The following C4orf33 variants were observed in gnomAD, a reference collection of about 807,000 sequenced individuals.
The protein encoded by C4orf33 is chromosome 4 open reading frame 33.
In C4orf33, 20 loss-of-function variants were observed where a neutral mutation model predicts 24.3. That is an observed-to-expected ratio of 0.82 (90% CI 0.58 to 1.19). The LOEUF is 1.19. C4orf33 is among the 50% of genes most tolerant of loss of function. The pLI, the probability that C4orf33 is intolerant of heterozygous loss-of-function variation, is 0.00. For missense variants in C4orf33, 207 were observed against 225.9 expected (o/e 0.92, Z 0.54); for synonymous variants, 67 against 76.4 (o/e 0.88, Z 0.64).
chr4:129,103,015 G>GTT, intron 2 of C4orf33: 3 of 240,606 alleles, frequency 1.2e-5, no homozygotes, highest in South Asian at 8.4e-5. Context: ...TACAAATCCA[G>GTT]ATTTTTTTTT....
In C4orf33 at chr4:129,115,484, T is replaced by C. The variant is rs1278438221; in HGVS notation, c.*3693T>C. 6.6e-6 allele frequency: 1 copy of C among 152,116 alleles called. No individual in the cohort carries two copies. The highest frequency in any genetic ancestry group is 1.5e-5 in the Non-Finnish European group (1 of 68,026). 9.4% of individuals were successfully genotyped at this position (152,116 alleles called of 1,614,324 possible). A position where few individuals can be genotyped will look rare whatever the true frequency, so the allele number is the denominator to read the frequency against. Reference sequence around the variant, plus strand: ...GAGGGAATTGACAATAGGGACAGGATTCAGTGGATAAATACTCCCCTTTTC... The same window carrying C: ...GAGGGAATTGACAATAGGGACAGGACTCAGTGGATAAATACTCCCCTTTTC... On this transcript the variant is annotated 3_prime_UTR_variant, in exon 6 of 6. Coordinates refer to ENST00000425929, the MANE Select transcript of C4orf33 (RefSeq NM_001099783.2).
At position 129,107,634 on chromosome 4, in the gene C4orf33, T is replaced by A. The variant is rs1753557586; in HGVS notation, c.242+987T>A. Among the ~76,000 whole-genome samples, 3 of 152,058 alleles carry A rather than the reference T, an allele frequency of 2.0e-5. 1 individual carries two copies. The highest frequency in any genetic ancestry group is 2.0e-4 in the Admixed American group (3 of 15,266). On this transcript the variant is annotated intron_variant, in intron 3 of 5. Transcript: ENST00000425929. ...AAGAGTAATCATATACCTTTGTGTG[T>A]TACATTTCAACTAACATGCCAAAAT...
chr4:129,108,681 G>T (rs956513800), intron 3 of C4orf33, among the ~76,000 whole-genome samples: 1 of 152,048 alleles, frequency 6.6e-6, no homozygotes, highest in Non-Finnish European at 1.5e-5. Flanking sequence ...CAAATAACAT[G>T]GTATCTCTCT....
In C4orf33 at chr4:129,109,574, C is replaced by A. The variant is rs1033606952; in HGVS notation, c.396C>A (p.Phe132Leu). Residue 132 changes from phenylalanine (F) to leucine (L), a missense_variant, in exon 5 of 6, where the codon TTC becomes TTA. Physicochemically the swap from Phe to Leu is conservative, Grantham distance 22 (BLOSUM62 0). Transcript: ENST00000425929. ...ATTTTCCACCAAATGTGACAAAATTCAATTCATTTGCAATTCATGGATCAA... is the reference window on the plus strand; with the variant it reads ...ATTTTCCACCAAATGTGACAAAATTAAATTCATTTGCAATTCATGGATCAA... Reference protein sequence around the residue: ...WSYFPPNVTKFNSFAIHGSKD... With the variant: ...WSYFPPNVTKLNSFAIHGSKD... 1 of 1,613,814 alleles carries A rather than the reference C, an allele frequency of 6.2e-7. No individual in the cohort carries two copies. Among genetic ancestry groups the A allele is most frequent in the African/African-American group, 1.3e-5 (1 of 74,936 alleles).
chr4:129,104,401 A>G (rs780040617), intron 2 of C4orf33, among the ~76,000 whole-genome samples: 3 of 152,194 alleles, frequency 2.0e-5, no homozygotes, highest in Non-Finnish European at 2.9e-5. Context: ...ATGAAAATTT[A>G]AACTCATCCT....
rs77832449 is a variant in C4orf33, at chr4:129,110,367, G to A, written c.494+695G>A. ...GTTATCTGCTATGCTTTCTCAATTTGAGTCTTGTTTCCTTGCACCTGTAGC... is the reference window on the plus strand; with the variant it reads ...GTTATCTGCTATGCTTTCTCAATTTAAGTCTTGTTTCCTTGCACCTGTAGC... On this transcript the variant is annotated intron_variant, in intron 5 of 5. Coordinates refer to ENST00000425929, the MANE Select transcript of C4orf33 (RefSeq NM_001099783.2). Among the ~76,000 whole-genome samples, 4 of 152,294 alleles carry A rather than the reference G, an allele frequency of 2.6e-5. No individual in the cohort carries two copies. The East Asian group carries it at 5.8e-4, about 22-fold the overall frequency.
At chr4:129,098,529 A>G (rs1304682508) in intron 1 of C4orf33, among the ~76,000 whole-genome samples, 1 of 152,214 alleles carries the variant, frequency 6.6e-6, no homozygotes, top group Non-Finnish European at 1.5e-5. Flanking sequence ...TTTGGTTTGT[A>G]TTTTAAAAGG....
chr4:129,095,109 A>G (rs934887885), upstream of C4orf33, among the ~76,000 whole-genome samples: 2 of 152,150 alleles, frequency 1.3e-5, no homozygotes, highest in African/African-American at 4.8e-5. Flanking sequence ...TGATCATGAT[A>G]GTTTTTTGTT....
chr4:129,094,707 G>C (rs1485701735), upstream of C4orf33, among the ~76,000 whole-genome samples: 1 of 152,138 alleles, frequency 6.6e-6, no homozygotes, highest in Non-Finnish European at 1.5e-5. Context: ...ATCCAGCTTT[G>C]AGTTGGTGAT....
intron 3 of C4orf33, among the ~76,000 whole-genome samples, chr4:129,108,286 C>G (rs1753575872): frequency 6.6e-6 from 1 of 152,082 alleles, no homozygotes; most frequent in Non-Finnish European, 1.5e-5. Context: ...ATAGGTTTTT[C>G]TAGAGTTAGT....
At chr4:129,105,164 TG>T (rs1753480079) in intron 2 of C4orf33, among the ~76,000 whole-genome samples, 1 of 152,152 alleles carries the variant, frequency 6.6e-6, no homozygotes, top group South Asian at 2.1e-4. Flanking sequence ...GTCAACTGGC[TG>T]GAAAACCCAC....
intron 2 of C4orf33, 32 bp downstream of exon 2, chr4:129,102,823 A>G (rs1753399869): frequency 3.2e-6 from 5 of 1,566,334 alleles, no homozygotes; most frequent in Admixed American, 1.9e-5. Flanking sequence ...TATTGCAAAC[A>G]TAAATCTTCT....
At chr4:129,111,339 A>G (rs539616887) in intron 5 of C4orf33, among the ~76,000 whole-genome samples, 1 of 152,366 alleles carries the variant, frequency 6.6e-6, no homozygotes, top group East Asian at 1.9e-4. Context: ...ACTGATATAA[A>G]TTATATCAAA....
At position 129,101,459 on chromosome 4, in the gene C4orf33, C is replaced by T. The variant is rs184320710; in HGVS notation, c.-9-1143C>T. Among the ~76,000 whole-genome samples, 291 of 152,096 alleles carry T rather than the reference C, an allele frequency of 1.9e-3. 1 individual carries two copies. The highest frequency in any genetic ancestry group is 2.6e-3 in the Non-Finnish European group (176 of 67,970). ...AAGTGAGATTATCTTTTGGATAAAA[C>T]ATAGGATCTAGTATAATTTGGGGGG... On this transcript the variant is annotated intron_variant, in intron 1 of 5. Transcript: ENST00000425929.
In C4orf33 at chr4:129,116,033, C is replaced by G. The variant is rs1157992530; in HGVS notation, c.*4242C>G. 1 of 151,126 alleles carries G rather than the reference C, an allele frequency of 6.6e-6. No individual in the cohort carries two copies. The highest frequency in any genetic ancestry group is 1.9e-4 in the East Asian group (1 of 5,146). The allele number at this position is 151,126 out of a possible 1,614,324, so 9.4% of individuals were successfully genotyped here. ...CTATTTTTTACCAACTATCATTTTT[C>G]ATGGAAGGAATAGTAAAAAGAGTTA... On this transcript the variant is annotated 3_prime_UTR_variant, in exon 6 of 6. Transcript: ENST00000425929.
chr4:129,109,170 A>G (rs67874014), intron 3 of C4orf33, 137 bp from the exon 4 acceptor site: 35,370 of 942,942 alleles, frequency 0.038, 802 homozygotes, highest in Middle Eastern at 0.068. Context: ...TTACAGGCGT[A>G]AGCCACCATG....
chr4:129,107,630 T>TG (rs1361273556), intron 3 of C4orf33, among the ~76,000 whole-genome samples: 1 of 152,062 alleles, frequency 6.6e-6, no homozygotes, highest in Admixed American at 6.5e-5. Flanking sequence ...TATACCTTTG[T>TG]GTGTTACATT....
intron 3 of C4orf33, among the ~76,000 whole-genome samples, chr4:129,108,229 C>T (rs979253767): frequency 6.6e-6 from 1 of 152,072 alleles, no homozygotes; most frequent in African/African-American, 2.4e-5. Flanking sequence ...AGGAAATCCT[C>T]CCTGAAAAGC....
chr4:129,105,195 C>G (rs1361279949), intron 2 of C4orf33, among the ~76,000 whole-genome samples: 1 of 152,160 alleles, frequency 6.6e-6, no homozygotes, highest in East Asian at 1.9e-4. Flanking sequence ...GGTCTTCAGT[C>G]AGCCAGCTGG....
Sources: gnomAD v4.1 joint callset for allele counts (sites outside exome capture counted in the v4.1 genomes callset) on GRCh38, gnomAD v4.1.1 for gene constraint, MANE v1.5 for transcripts, NCBI Gene and HGNC (gene_info 2026-07-23, HGNC 2026-07-21) for gene names.